GPC5: variants seen among roughly 807,000 people sequenced by gnomAD.
GPC5 encodes the protein glypican-5.
GPC5 carries 47 observed loss-of-function variants against 53.9 expected under a neutral mutation model. The observed-to-expected ratio is 0.87, with a 90% CI of 0.69 to 1.11. The LOEUF (loss-of-function observed/expected upper bound fraction) is 1.11, where lower values mean the gene tolerates loss of function less well. Among genes scored for constraint, GPC5 ranks in the 50% most tolerant of loss-of-function variants. The pLI is 0.00. For synonymous variants in GPC5, 286 were observed against 263.3 expected, an observed-to-expected ratio of 1.09 and a Z score of -0.84; for missense variants, 748 against 713.1, an observed-to-expected ratio of 1.05 and a Z score of -0.56.
At chr13:92,657,096 A>T in intron 7 of GPC5, among the ~76,000 whole-genome samples, 1 of 152,258 alleles carries the variant, frequency 6.6e-6, no homozygotes, top group East Asian at 1.9e-4. Flanking sequence ...AAAAATTAAC[A>T]TGAATAGTCT....
At chr13:91,989,683 G>A (rs1379881823) in intron 6 of GPC5, among the ~76,000 whole-genome samples, 2 of 152,008 alleles carry the variant, frequency 1.3e-5, no homozygotes, top group Non-Finnish European at 2.9e-5. Context: ...TAGTGTTCTG[G>A]TTCAATAAGC....
intron 7 of GPC5, among the ~76,000 whole-genome samples, chr13:92,445,681 T>C (rs1246211392): frequency 1.3e-5 from 2 of 151,824 alleles, no homozygotes; most frequent in African/African-American, 4.8e-5. Flanking sequence ...TTCCATGGTG[T>C]ATATGTGCCA....
At chr13:92,100,642 G>T (rs1318756079) in intron 6 of GPC5, among the ~76,000 whole-genome samples, 1 of 151,970 alleles carries the variant, frequency 6.6e-6, no homozygotes, top group African/African-American at 2.4e-5. Context: ...TGTATTTTTG[G>T]ATCACACATT....
At chr13:92,117,264 C>T (rs1194517318) in intron 6 of GPC5, among the ~76,000 whole-genome samples, 2 of 152,082 alleles carry the variant, frequency 1.3e-5, no homozygotes, top group Admixed American at 6.5e-5. Flanking sequence ...ATTATGTTGC[C>T]TTTGCACCTT....
intron 7 of GPC5, among the ~76,000 whole-genome samples, chr13:92,698,767 T>A (rs1372417647): frequency 2.6e-5 from 4 of 152,194 alleles, no homozygotes; most frequent in Admixed American, 6.5e-5. Flanking sequence ...GTTGAACTAG[T>A]TTACAGTCCC....
chr13:92,593,727 T>A (rs1285773240), intron 7 of GPC5, among the ~76,000 whole-genome samples: 1 of 152,138 alleles, frequency 6.6e-6, no homozygotes, highest in East Asian at 1.9e-4. Flanking sequence ...AACACCTGTA[T>A]AGTGTATGTG....
At chr13:92,372,720 A>G (rs1253649745) in intron 7 of GPC5, among the ~76,000 whole-genome samples, 2 of 152,118 alleles carry the variant, frequency 1.3e-5, no homozygotes, top group East Asian at 1.9e-4. Context: ...GTTGAGGCCA[A>G]TTGTATTGGG....
At chr13:91,410,903 G>A (rs1877716855) in intron 1 of GPC5, among the ~76,000 whole-genome samples, 1 of 152,000 alleles carries the variant, frequency 6.6e-6, no homozygotes, top group African/African-American at 2.4e-5. Flanking sequence ...GAGGTCAAGA[G>A]ATCGAGACCA....
chr13:92,793,545 TGA>T (rs1218918309), intron 7 of GPC5, among the ~76,000 whole-genome samples: 3 of 151,686 alleles, frequency 2.0e-5, no homozygotes, highest in African/African-American at 7.3e-5. Context: ...AGAGCGGAAC[TGA>T]GAGAGACAGA....
At chr13:92,312,636 T>G (rs2043152622) in intron 7 of GPC5, among the ~76,000 whole-genome samples, 1 of 152,192 alleles carries the variant, frequency 6.6e-6, no homozygotes, top group Non-Finnish European at 1.5e-5. Flanking sequence ...CTAAAATTTC[T>G]TTCAAAATTC....
chr13:92,605,336 A>G (rs1884214305), intron 7 of GPC5, among the ~76,000 whole-genome samples: 1 of 152,208 alleles, frequency 6.6e-6, no homozygotes, highest in Non-Finnish European at 1.5e-5. Flanking sequence ...CAAATACTTT[A>G]CTTGTCACTA....
intron 7 of GPC5, among the ~76,000 whole-genome samples, chr13:92,543,238 T>C (rs1184327833): frequency 1.3e-5 from 2 of 152,066 alleles, no homozygotes; most frequent in Non-Finnish European, 2.9e-5. Context: ...AAATTCTTTA[T>C]TCTGCTTGAT....
At chr13:92,108,937 C>T (rs2041531139) in intron 6 of GPC5, among the ~76,000 whole-genome samples, 1 of 151,982 alleles carries the variant, frequency 6.6e-6, no homozygotes, top group Non-Finnish European at 1.5e-5. Flanking sequence ...ATAAAAAATT[C>T]TTCCTTAGTT....
chr13:91,774,795 T>C (rs2037683253), intron 5 of GPC5, among the ~76,000 whole-genome samples: 1 of 152,188 alleles, frequency 6.6e-6, no homozygotes, highest in Non-Finnish European at 1.5e-5. Flanking sequence ...TTGTGTTTCA[T>C]TGCTTCCTGG....
At chr13:92,143,981 T>C (rs75164794) in intron 6 of GPC5, among the ~76,000 whole-genome samples, 3,967 of 152,256 alleles carry the variant, frequency 0.026, 172 homozygotes, top group African/African-American at 0.091. Context: ...TGCTCACACT[T>C]GGCCATGTGC....
chr13:91,533,854 G>A (rs1886463507), intron 2 of GPC5, among the ~76,000 whole-genome samples: 2 of 152,122 alleles, frequency 1.3e-5, no homozygotes, highest in Admixed American at 1.3e-4. Context: ...CTCCTTCCAA[G>A]TCTGAATCAG....
At chr13:92,793,256 G>GA (rs1876533104) in intron 7 of GPC5, among the ~76,000 whole-genome samples, 1 of 152,082 alleles carries the variant, frequency 6.6e-6, no homozygotes. Context: ...CAACTGCATG[G>GA]AAACTGAACC....
At chr13:92,692,836 AT>A (rs1887452463) in intron 7 of GPC5, among the ~76,000 whole-genome samples, 1 of 126,138 alleles carries the variant, frequency 7.9e-6, no homozygotes, top group African/African-American at 3.1e-5. Context: ...TTGGATTTGC[AT>A]TTTTTTGCTG....
intron 7 of GPC5, chr13:92,240,207 A>G (rs1037062689): frequency 6.6e-6 from 1 of 152,026 alleles, no homozygotes; most frequent in Admixed American, 6.6e-5. Context: ...TATTTAAAGT[A>G]TAGCTATACA....
Sources: gnomAD v4.1 joint callset for allele counts (sites outside exome capture counted in the v4.1 genomes callset) on GRCh38, gnomAD v4.1.1 for gene constraint, MANE v1.5 for transcripts, NCBI Gene and HGNC (gene_info 2026-07-23, HGNC 2026-07-21) for gene names.